PTPRD: variants seen among roughly 807,000 people sequenced by gnomAD.
PTPRD encodes the protein protein tyrosine phosphatase receptor type D, also known as receptor-type tyrosine-protein phosphatase delta.
In PTPRD, 34 loss-of-function variants were observed where a neutral mutation model predicts 214.5. The ratio of observed to expected loss-of-function variants is 0.16; its 90% CI spans 0.12 to 0.21. PTPRD has a LOEUF of 0.21. Among genes scored for constraint, PTPRD ranks in the 10% least tolerant of loss-of-function variants. The pLI, the probability that PTPRD is intolerant of heterozygous loss-of-function variation, is 1.00. For synonymous variants in PTPRD, 1,128 were observed against 845.7 expected (o/e 1.33, Z -5.79); for missense variants, 2,545 against 2,398.7 (o/e 1.06, Z -1.27).
At chr9:9,251,438 G>A (rs1341790755) in intron 9 of PTPRD, among the ~76,000 whole-genome samples, 2 of 151,904 alleles carry the variant, frequency 1.3e-5, no homozygotes, top group Non-Finnish European at 2.9e-5. Flanking sequence ...CTTTGTACAT[G>A]CTTTTTCCTT....
At chr9:8,632,135 G>GTC (rs888580792) in intron 14 of PTPRD, among the ~76,000 whole-genome samples, 9 of 147,148 alleles carry the variant, frequency 6.1e-5, no homozygotes, top group African/African-American at 2.3e-4. Context: ...GTGTGTGTGT[G>GTC]TGTGTGTGTG....
chr9:10,143,105 C>G (rs1051021324), intron 3 of PTPRD, among the ~76,000 whole-genome samples: 1 of 151,912 alleles, frequency 6.6e-6, no homozygotes, highest in Non-Finnish European at 1.5e-5. Flanking sequence ...AGGGGAACAT[C>G]ACACTCTGGG....
intron 35 of PTPRD, among the ~76,000 whole-genome samples, chr9:8,422,468 C>T (rs1365417708): frequency 6.6e-6 from 1 of 152,058 alleles, no homozygotes; most frequent in African/African-American, 2.4e-5. Flanking sequence ...TAGAAAATGT[C>T]ATCTATTGCA....
At chr9:9,734,998 C>A (rs374696375) in intron 6 of PTPRD, among the ~76,000 whole-genome samples, 3 of 151,950 alleles carry the variant, frequency 2.0e-5, no homozygotes, top group South Asian at 4.2e-4. Flanking sequence ...TTTTTGCTGG[C>A]TATGACAATA....
chr9:10,052,069 C>T (rs1393747846), intron 3 of PTPRD, among the ~76,000 whole-genome samples: 1 of 152,066 alleles, frequency 6.6e-6, no homozygotes, highest in Admixed American at 6.6e-5. Flanking sequence ...CTCAGGCTTC[C>T]GAGTAGCTGG....
chr9:9,637,189 T>C (rs10977905), intron 7 of PTPRD, among the ~76,000 whole-genome samples: 32,199 of 152,060 alleles, frequency 0.21, 4,224 homozygotes, highest in Non-Finnish European at 0.29. Flanking sequence ...CCCAAATTTA[T>C]GTCATTTTCA....
chr9:10,090,918 AT>A (rs1434571425), intron 3 of PTPRD, among the ~76,000 whole-genome samples: 1 of 59,004 alleles, frequency 1.7e-5, no homozygotes, highest in Non-Finnish European at 3.0e-5. Context: ...TAAATGAAAT[AT>A]ACACACACAC....
intron 11 of PTPRD, among the ~76,000 whole-genome samples, chr9:8,896,273 A>G (rs967162651): frequency 2.0e-5 from 3 of 152,196 alleles, no homozygotes; most frequent in African/African-American, 7.2e-5. Flanking sequence ...TACTTTCTCA[A>G]TTTCCTATTG....
intron 3 of PTPRD, among the ~76,000 whole-genome samples, chr9:10,118,386 A>G (rs933026547): frequency 2.0e-5 from 3 of 151,628 alleles, no homozygotes; most frequent in Non-Finnish European, 3.0e-5. Flanking sequence ...TATATGCTTA[A>G]TTACTTGATC....
intron 5 of PTPRD, among the ~76,000 whole-genome samples, chr9:9,793,276 T>A (rs547620430): frequency 6.6e-6 from 1 of 152,140 alleles, no homozygotes; most frequent in African/African-American, 2.4e-5. Flanking sequence ...AATGGATGTA[T>A]CTATAAAACG....
chr9:10,214,052 G>T (rs1163967327), intron 3 of PTPRD, among the ~76,000 whole-genome samples: 1 of 151,864 alleles, frequency 6.6e-6, no homozygotes, highest in Non-Finnish European at 1.5e-5. Context: ...CCTTCAATAA[G>T]CCCCTCATAT....
intron 11 of PTPRD, among the ~76,000 whole-genome samples, chr9:9,012,166 C>T (rs542068094): frequency 4.4e-4 from 67 of 152,226 alleles, no homozygotes; most frequent in Non-Finnish European, 7.6e-4. Flanking sequence ...AGCCAAAGCC[C>T]TCAGTCTTAC....
chr9:8,341,987 A>C lies in PTPRD; in HGVS notation c.4662-9T>G. The C allele has an allele frequency of 1.9e-6, 3 of 1,582,698 alleles. No homozygotes were observed. The highest frequency in any genetic ancestry group is 2.6e-6 in the Non-Finnish European group (3 of 1,167,822). On this transcript the variant is annotated splice_polypyrimidine_tract_variant and intron_variant, in intron 39 of 45. Transcript: ENST00000381196. ...TCCGGCCAACTCCCGCACTATGAGGAAAATAGAGAAGAAAAGCCCAAATAA... is the reference window on the plus strand; with the variant it reads ...TCCGGCCAACTCCCGCACTATGAGGCAAATAGAGAAGAAAAGCCCAAATAA...
intron 3 of PTPRD, among the ~76,000 whole-genome samples, chr9:10,146,700 C>G (rs1365849789): frequency 6.6e-6 from 1 of 152,080 alleles, no homozygotes; most frequent in Non-Finnish European, 1.5e-5. Context: ...ACACAAGAAG[C>G]CGACCGAGCA....
At chr9:9,806,443 T>G (rs1598369097) in intron 5 of PTPRD, among the ~76,000 whole-genome samples, 1 of 152,084 alleles carries the variant, frequency 6.6e-6, no homozygotes, top group South Asian at 2.1e-4. Context: ...GTAACATTCC[T>G]CCCCGCTCTT....
chr9:8,381,196 C>A (rs964138701), intron 37 of PTPRD, among the ~76,000 whole-genome samples: 6 of 152,114 alleles, frequency 3.9e-5, no homozygotes, highest in Admixed American at 3.9e-4. Flanking sequence ...AACAGGCTAA[C>A]ATTAGATAAC....
At chr9:9,358,906 C>G (rs913574838) in intron 9 of PTPRD, among the ~76,000 whole-genome samples, 2 of 151,286 alleles carry the variant, frequency 1.3e-5, no homozygotes, top group South Asian at 2.1e-4. Context: ...TGCATCCAAC[C>G]TTACTGTTGC....
At chr9:10,516,927 C>A (rs931303119) in intron 2 of PTPRD, among the ~76,000 whole-genome samples, 1 of 151,628 alleles carries the variant, frequency 6.6e-6, no homozygotes, top group African/African-American at 2.4e-5. Context: ...ATTTCATTGG[C>A]CTATATGTGT....
chr9:9,446,031 G>T (rs1306339971), intron 8 of PTPRD, among the ~76,000 whole-genome samples: 1 of 152,080 alleles, frequency 6.6e-6, no homozygotes, highest in Non-Finnish European at 1.5e-5. Context: ...TTTAAATTAT[G>T]TTCTATTTTT....
Sources: gnomAD v4.1 joint callset for allele counts (sites outside exome capture counted in the v4.1 genomes callset) on GRCh38, gnomAD v4.1.1 for gene constraint, MANE v1.5 for transcripts, NCBI Gene and HGNC (gene_info 2026-07-23, HGNC 2026-07-21) for gene names.